Variants in RIN3 observed in about 807,000 individuals in gnomAD.
The protein encoded by RIN3 is RAB5 interacting protein 3.
A neutral mutation model predicts 76.3 loss-of-function variants in RIN3; 54 were observed. The ratio of observed to expected loss-of-function variants is 0.71; its 90% CI spans 0.57 to 0.89. The LOEUF is 0.89. Ranked by LOEUF, RIN3 falls within the 40% of genes least tolerant of loss-of-function variation. The pLI is 0.00. For missense variants in RIN3, 1,256 were observed against 1,322.1 expected (o/e 0.95, Z 0.78); for synonymous variants, 576 against 564.0 (o/e 1.02, Z -0.30).
chr14:92,597,105 G>A (rs988028292), intron 3 of RIN3, among the ~76,000 whole-genome samples: 25 of 152,282 alleles, frequency 1.6e-4, no homozygotes, highest in African/African-American at 4.6e-4. Flanking sequence ...GAGGTGTCAC[G>A]TATGTGAGCA....
At chr14:92,531,143 C>T (rs184567644) in intron 1 of RIN3, among the ~76,000 whole-genome samples, 58 of 152,200 alleles carry the variant, frequency 3.8e-4, no homozygotes, top group Admixed American at 2.4e-3. Flanking sequence ...AAAATAGCAC[C>T]GATGGGGTGG....
chr14:92,550,006 G>A (rs1897380683), intron 1 of RIN3, among the ~76,000 whole-genome samples: 1 of 152,204 alleles, frequency 6.6e-6, no homozygotes, highest in Non-Finnish European at 1.5e-5. Flanking sequence ...AGAGTGGCCG[G>A]CTCTGCCAAC....
chr14:92,519,838 G>A lies in RIN3; in HGVS notation c.44+5862G>A, dbSNP rs1896547798. Among the ~76,000 whole-genome samples the A allele has an allele frequency of 2.6e-5, 4 of 152,172 alleles. No individual in the cohort carries two copies. The South Asian group carries it at 8.3e-4, about 32-fold the overall frequency. Reference sequence around the variant, plus strand: ...GAAGAGAGGAGTGACGGGTACATGGGAGGCCTTCCCTCAGCCTGGCGTCCA... The same window carrying A: ...GAAGAGAGGAGTGACGGGTACATGGAAGGCCTTCCCTCAGCCTGGCGTCCA... On this transcript the variant is annotated intron_variant, in intron 1 of 9. Transcript: ENST00000216487.
At chr14:92,604,342 G>C (rs12894135) in intron 3 of RIN3, among the ~76,000 whole-genome samples, 77,319 of 152,100 alleles carry the variant, frequency 0.51, 20,552 homozygotes, top group Admixed American at 0.62. Flanking sequence ...GCTCAAAGAT[G>C]TAGTGCCCCT....
Position 92,648,551 on chromosome 14 carries a change from T to C in RIN3, c.533-3031T>C, listed in dbSNP as rs753400219. 1.1e-4 allele frequency among the ~76,000 whole-genome samples: 16 copies of C among 152,128 alleles called. No individual in the cohort carries two copies. The highest frequency in any genetic ancestry group is 2.2e-4 in the Non-Finnish European group (15 of 68,038). On this transcript the variant is annotated intron_variant, in intron 5 of 9. Coordinates refer to ENST00000216487, the MANE Select transcript of RIN3 (RefSeq NM_024832.5). This position sits in a 1 kb window ranked among gnomAD's most constrained non-coding sequence, Gnocchi z 4.1. ...TCTTGCCCTTGAAACTAACCTTGCC[T>C]GTGTCCCCTTCCTCAGAGGCCTGAC...
chr14:92,546,761 G>T (rs78706131), intron 1 of RIN3, among the ~76,000 whole-genome samples: 3,264 of 152,154 alleles, frequency 0.021, 48 homozygotes, highest in South Asian at 0.041. Flanking sequence ...TGTAACAAGT[G>T]AGAAGCAGTT....
chr14:92,574,319 A>G (rs1219151215), intron 2 of RIN3, among the ~76,000 whole-genome samples: 1 of 152,240 alleles, frequency 6.6e-6, no homozygotes, highest in Non-Finnish European at 1.5e-5. Context: ...CATTGCATGC[A>G]AAGAAGCTGG....
intron 4 of RIN3, among the ~76,000 whole-genome samples, chr14:92,639,777 G>T (rs1886919711): frequency 7.7e-6 from 1 of 129,276 alleles, no homozygotes; most frequent in South Asian, 2.6e-4. Context: ...TGCCTGTTGT[G>T]ACCAAAGTCA....
chr14:92,658,513 A>G (rs1887754602), intron 6 of RIN3, among the ~76,000 whole-genome samples: 1 of 152,206 alleles, frequency 6.6e-6, no homozygotes, highest in Admixed American at 6.5e-5. Context: ...GGAGGTTTCC[A>G]AACAGAAGCA....
rs1410831612 is a variant in RIN3 at position 92,681,708 on chromosome 14, G to A, written c.2468-3279G>A. ...GACTGAGGGATGCCAGGTAGAGGAC[G>A]TGGACTTGGGGCAGCAAGGGCTGGG... On this transcript the variant is annotated intron_variant, in intron 8 of 9. Coordinates refer to ENST00000216487, the MANE Select transcript of RIN3 (RefSeq NM_024832.5). This position sits in a 1 kb window ranked among gnomAD's most constrained non-coding sequence, Gnocchi z 4.7. Among the ~76,000 whole-genome samples, 1 of 152,174 alleles carries A rather than the reference G, an allele frequency of 6.6e-6. No individual in the cohort carries two copies. Among genetic ancestry groups the A allele is most frequent in the African/African-American group, 2.4e-5 (1 of 41,440 alleles).
chr14:92,563,756 T>A (rs1284687236), intron 2 of RIN3, among the ~76,000 whole-genome samples: 1 of 152,192 alleles, frequency 6.6e-6, no homozygotes, highest in African/African-American at 2.4e-5. Flanking sequence ...AGTTGAGAAT[T>A]GCTGCTCTGT....
chr14:92,561,335 C>A (rs1470697297), intron 2 of RIN3, among the ~76,000 whole-genome samples: 1 of 144,374 alleles, frequency 6.9e-6, no homozygotes, highest in Non-Finnish European at 1.5e-5. Context: ...TCTGTATGAC[C>A]TTGACCACAT....
intron 3 of RIN3, among the ~76,000 whole-genome samples, chr14:92,612,720 C>T (rs1595455747): frequency 6.6e-6 from 1 of 152,202 alleles, no homozygotes; most frequent in Non-Finnish European, 1.5e-5. Flanking sequence ...GGGCTGGGGC[C>T]AGGGGAGAGG....
In RIN3 at chr14:92,515,518, C is replaced by G. The variant is rs1470783915; in HGVS notation, c.44+1542C>G. ...AAATGATAAATAATAGTAACTACCC[C>G]TTAGAGTTGTTTTGAGGACTAAATA... is the stretch of plus-strand genomic sequence containing the variant. On this transcript the variant is annotated intron_variant, in intron 1 of 9. Coordinates refer to ENST00000216487, the MANE Select transcript of RIN3 (RefSeq NM_024832.5). 1.5e-5 allele frequency: 7 copies of G among 470,592 alleles called. No individual in the cohort carries two copies. The East Asian group carries it at 2.0e-4, about 14-fold the overall frequency. The allele number at this position is 470,592 out of a possible 1,614,324, so 29.2% of individuals were successfully genotyped here.
intron 1 of RIN3, among the ~76,000 whole-genome samples, chr14:92,554,023 A>G (rs75794476): frequency 0.013 from 2,015 of 152,196 alleles, 49 homozygotes; most frequent in African/African-American, 0.046. Flanking sequence ...ACCAATGCCA[A>G]CCTTGATCCC....
At position 92,513,975 on chromosome 14, in the gene RIN3, G is replaced by A; in HGVS notation, c.43G>A (p.Gly15Ser). The change falls in exon 1 of 10, where the codon GGT (glycine) becomes AGT (serine). Residue 15 changes from glycine (G) to serine (S), a missense_variant and splice_region_variant. By Grantham distance (56) the Gly-to-Ser change is moderately conservative. Around this residue, in one of 3 missense-constraint regions of RIN3, gnomAD observed 610 missense variants for 626.4 expected, o/e 0.97. Coordinates refer to ENST00000216487, the MANE Select transcript of RIN3 (RefSeq NM_024832.5). ...AGAPARGDPT[G>S]PVPVVGKGEE... Reference sequence around the variant, plus strand: ...GGCGCCCGCGCGCGGGGACCCCACGGGGTAAGTCCGGGCGGCCGCCCCCTC... The same window carrying A: ...GGCGCCCGCGCGCGGGGACCCCACGAGGTAAGTCCGGGCGGCCGCCCCCTC... The A allele has an allele frequency of 1.6e-6, 2 of 1,240,054 alleles. No individual in the cohort carries two copies. The highest frequency in any genetic ancestry group is 2.0e-6 in the Non-Finnish European group (2 of 991,808). 76.8% of individuals were successfully genotyped at this position (1,240,054 alleles called of 1,614,324 possible). A position where few individuals can be genotyped will look rare whatever the true frequency, so the allele number is the denominator to read the frequency against.
chr14:92,627,755 G>A (rs1027316936), intron 4 of RIN3, among the ~76,000 whole-genome samples: 4 of 152,234 alleles, frequency 2.6e-5, no homozygotes, highest in Admixed American at 2.0e-4. Flanking sequence ...CTCCCCCTGG[G>A]AGATGACCAG....
chr14:92,686,969 C>T (rs1888881705), intron 9 of RIN3: 1 of 152,242 alleles, frequency 6.6e-6, no homozygotes, highest in South Asian at 2.1e-4. Flanking sequence ...AGCCCGGCCT[C>T]GCCTAAGCCC....
intron 3 of RIN3, among the ~76,000 whole-genome samples, chr14:92,584,983 T>C (rs1471154854): frequency 6.6e-6 from 1 of 152,190 alleles, no homozygotes; most frequent in Non-Finnish European, 1.5e-5. Context: ...CTTCATTTCC[T>C]GCCTATTCCC....
Sources: allele counts gnomAD v4.1 joint callset (sites outside exome capture counted in the v4.1 genomes callset), GRCh38; gene constraint gnomAD v4.1.1; regional missense constraint gnomAD v4.1.1; non-coding constraint Gnocchi (gnomAD v3.1); transcripts MANE v1.5; gene names NCBI Gene and HGNC (gene_info 2026-07-23, HGNC 2026-07-21).